DPH1: variants seen among roughly 807,000 people sequenced by gnomAD.
DPH1 encodes diphthamide biosynthesis 1, also known as 2-(3-amino-3-carboxypropyl)histidine synthase subunit 1.
A neutral mutation model predicts 55.3 loss-of-function variants in DPH1; 59 were observed. The ratio of observed to expected loss-of-function variants is 1.07; its 90% CI spans 0.87 to 1.33. DPH1 has a LOEUF of 1.33. DPH1 is among the 40% of genes most tolerant of loss of function. DPH1 has a pLI of 0.00. For missense variants in DPH1, 628 were observed against 584.8 expected, an observed-to-expected ratio of 1.07 and a Z score of -0.76; for synonymous variants, 238 against 235.5, an observed-to-expected ratio of 1.01 and a Z score of -0.10.
At position 2,033,596 on chromosome 17, in the gene DPH1, C is replaced by T; in HGVS notation, c.153C>T (p.Ser51=). Residue 51 remains serine (S), a synonymous_variant, in exon 2 of 13, where the codon TCC becomes TCT. Coordinates refer to ENST00000263083, the MANE Select transcript of DPH1 (RefSeq NM_001383.6). ...AGGCAGCAATCCGGGTCCTGCCTTC[C>T]AACTACAACTTTGAGATCCCCAAGA... ...QLQAAIRVLP[S]NYNFEIPKTI... is the part of the protein sequence containing the mutation. 1 of 1,614,206 alleles carries T rather than the reference C, an allele frequency of 6.2e-7. No individual in the cohort carries two copies. The highest frequency in any genetic ancestry group is 8.5e-7 in the Non-Finnish European group (1 of 1,180,038).
intron 3 of DPH1, among the ~76,000 whole-genome samples, chr17:2,035,281 C>T (rs967188538): frequency 6.6e-6 from 1 of 152,088 alleles, no homozygotes; most frequent in East Asian, 1.9e-4. Flanking sequence ...GCAGCAGTTC[C>T]CACGGCAGTG....
At position 2,043,308 on chromosome 17, in the gene DPH1, T is replaced by C. The variant is rs552198785; in HGVS notation, c.*722T>C. On this transcript the variant is annotated 3_prime_UTR_variant, in exon 13 of 13. Transcript: ENST00000263083. ...GGGGAGCACAAGGCCTTAATGGACA[T>C]TGACTTGTGAAAACGCAAACATGAA... 42 of 617,058 alleles carry C rather than the reference T, an allele frequency of 6.8e-5. No homozygotes were observed. Among genetic ancestry groups the C allele is most frequent in the East Asian group, 4.3e-4 (15 of 34,934 alleles). 38.2% of individuals were successfully genotyped at this position (617,058 alleles called of 1,614,324 possible).
rs981393694 is a variant in DPH1 at position 2,043,320 on chromosome 17, A to T, written c.*734A>T. On this transcript the variant is annotated 3_prime_UTR_variant, in exon 13 of 13. Transcript: ENST00000263083. ...GCCTTAATGGACATTGACTTGTGAA[A>T]ACGCAAACATGAATATGGTTGGAGA... 3 of 579,826 alleles carry T rather than the reference A, an allele frequency of 5.2e-6. No individual in the cohort carries two copies. In the African/African-American group the frequency reaches 5.6e-5, roughly 11 times the overall value. 35.9% of individuals were successfully genotyped at this position (579,826 alleles called of 1,614,324 possible).
rs749437432 is a variant in DPH1, at chr17:2,041,792, C to G, written c.1252C>G (p.Pro418Ala). The change falls in exon 12 of 13, where the codon CCT (proline) becomes GCT (alanine). Residue 418 changes from proline to alanine, a missense_variant. Physicochemically the swap from Pro to Ala is conservative, Grantham distance 27. Coordinates refer to ENST00000263083, the MANE Select transcript of DPH1 (RefSeq NM_001383.6). Reference sequence around the variant, plus strand: ...GGTGCAGGAGGGGTCCGCGCGTCCCCCTTCGGCCGTGGCTTGCGAGGACTG... The same window carrying G: ...GGTGCAGGAGGGGTCCGCGCGTCCCGCTTCGGCCGTGGCTTGCGAGGACTG... ...GKVQEGSARPPSAVACEDCSC... is the reference protein window; with the variant it reads ...GKVQEGSARPASAVACEDCSC... 2 of 1,606,542 alleles carry G rather than the reference C, an allele frequency of 1.2e-6. No individual in the cohort carries two copies. Among genetic ancestry groups the G allele is most frequent in the East Asian group, 2.2e-5 (1 of 44,498 alleles).
At chr17:2,042,085 CGGGCTTCCGGCAGAGCGAGCG>C (rs1395978560) in intron 12 of DPH1, 14 of 1,565,104 alleles carry the variant, frequency 8.9e-6, no homozygotes, top group African/African-American at 4.1e-5. Context: ...CTGTGCCTGG[CGGGCTTCCGGCAGAGCGAGCG>C]GGGCTTCCGT....
chr17:2,032,782 T>A (rs904495448), intron 1 of DPH1, among the ~76,000 whole-genome samples: 2 of 152,232 alleles, frequency 1.3e-5, no homozygotes, highest in South Asian at 4.1e-4. Context: ...CTCGCTCTGT[T>A]GCCCAGGCTG....
chr17:2,041,312 C>A lies in DPH1; in HGVS notation c.1086+131C>A, dbSNP rs1434999077. 4 of 1,450,514 alleles carry A rather than the reference C, an allele frequency of 2.8e-6. No individual in the cohort carries two copies. In the East Asian group the frequency reaches 7.4e-5, roughly 27 times the overall value. 89.9% of individuals were successfully genotyped at this position (1,450,514 alleles called of 1,614,324 possible). ...CCGGAGTCTGTCTCGATTTCTCCAG[C>A]GGAGTCACTTCCTAGCTGTGTAGCC... On this transcript the variant is annotated intron_variant, in intron 10 of 12. Coordinates refer to ENST00000263083, the MANE Select transcript of DPH1 (RefSeq NM_001383.6).
intron 3 of DPH1, among the ~76,000 whole-genome samples, 168 bp from the exon 4 acceptor site, chr17:2,035,802 G>A (rs1257019373): frequency 6.6e-6 from 1 of 152,122 alleles, no homozygotes. Flanking sequence ...GCAGGCGGCA[G>A]CTGTGCCCCT....
Position 2,041,112 on chromosome 17 carries a change from G to A in DPH1, c.1017G>A (p.Gln339=), listed in dbSNP as rs1475276604. The A allele has an allele frequency of 6.2e-7, 1 of 1,602,028 alleles. No homozygotes were observed. Among genetic ancestry groups the A allele is most frequent in the African/African-American group, 1.3e-5 (1 of 74,922 alleles). The change falls in exon 10 of 13, where the codon CAG becomes CAA. Residue 339 remains glutamine (Q), a synonymous_variant. Transcript: ENST00000263083. ...SLLPEVDVWV[Q]VACPRLSIDW... ...TGGCTTCCCTTCCCAGGTGGGTGCAGGTGGCATGTCCACGTCTCTCCATTG... is the reference window on the plus strand; with the variant it reads ...TGGCTTCCCTTCCCAGGTGGGTGCAAGTGGCATGTCCACGTCTCTCCATTG...
chr17:2,030,406 T>C (rs1597271756), intron 1 of DPH1, among the ~76,000 whole-genome samples, 176 bp downstream of exon 1: 1 of 151,898 alleles, frequency 6.6e-6, no homozygotes, highest in South Asian at 2.1e-4. Context: ...AGCCCAGGGG[T>C]ACCAGTCTTT....
intron 3 of DPH1, among the ~76,000 whole-genome samples, chr17:2,035,394 C>A (rs1597278869): frequency 6.9e-6 from 1 of 145,944 alleles, no homozygotes; most frequent in South Asian, 2.2e-4. Flanking sequence ...CACCAAGGGC[C>A]CTGCCTGCGG....
At chr17:2,040,666 C>T (rs1018546327) in intron 9 of DPH1, 61 bp downstream of exon 9, 22 of 1,549,246 alleles carry the variant, frequency 1.4e-5, no homozygotes, top group Admixed American at 6.7e-5. Context: ...TTGCCCAGCT[C>T]GTCTTGAAGG....
rs768074088 is a variant in DPH1 at position 2,041,298 on chromosome 17, C to CT, written c.1086+118dup. 1,196 of 1,468,902 alleles carry CT rather than the reference C, an allele frequency of 8.1e-4. 2 individuals are homozygous for CT. Among genetic ancestry groups the CT allele is most frequent in the Non-Finnish European group, 1.1e-3 (1,151 of 1,077,990 alleles). 91.0% of individuals were successfully genotyped at this position (1,468,902 alleles called of 1,614,324 possible). A position where few individuals can be genotyped will look rare whatever the true frequency, so the allele number is the denominator to read the frequency against. ...TATGTTCGTAGATTCCGGAGTCTGT[C>CT]TCGATTTCTCCAGCGGAGTCACTTC... On this transcript the variant is annotated intron_variant, in intron 10 of 12. Transcript: ENST00000263083.
chr17:2,033,762 C>T lies in DPH1; in HGVS notation c.215-17C>T. ...CTTCCTAGCCCTCCACCTCTCATGT[C>T]TCTGCTCGTCTTGCAGTGGCCTTGC... On this transcript the variant is annotated splice_polypyrimidine_tract_variant and intron_variant, in intron 2 of 12. Transcript: ENST00000263083. 6.2e-7 allele frequency: 1 copy of T among 1,614,244 alleles called. No homozygotes were observed.
chr17:2,036,260 G>T lies in DPH1; in HGVS notation c.400+169G>T, dbSNP rs2067422995. On this transcript the variant is annotated intron_variant, in intron 4 of 12. Transcript: ENST00000263083. The surrounding 1 kb of genome is among the most constrained non-coding windows in gnomAD (Gnocchi z 4.8). ...GCTCTGCAGGTAGATCTTTCCTTTG[G>T]ATTTGGTTGCCTTGGCAACGGTGCT... 3 of 1,322,084 alleles carry T rather than the reference G, an allele frequency of 2.3e-6. No individual in the cohort carries two copies. In the South Asian group the frequency reaches 4.5e-5, roughly 20 times the overall value. 81.9% of individuals were successfully genotyped at this position (1,322,084 alleles called of 1,614,324 possible). A position where few individuals can be genotyped will look rare whatever the true frequency, so the allele number is the denominator to read the frequency against.
rs761030981 is a variant in DPH1, at chr17:2,041,888, GCT to G, written c.*18+16_*18+17del. 22 of 1,558,702 alleles carry G rather than the reference GCT, an allele frequency of 1.4e-5. No homozygotes were observed. The highest frequency in any genetic ancestry group is 1.9e-5 in the Admixed American group (1 of 52,962). Reference sequence around the variant, plus strand: ...TCCCGGGCCTCAGGTATCAGCCCCCGCTCTGGGTGCGCCCCGCCTTTTGCCGT... The same window carrying G: ...TCCCGGGCCTCAGGTATCAGCCCCCGCTGGGTGCGCCCCGCCTTTTGCCGT... On this transcript the variant is annotated intron_variant, in intron 12 of 12. Transcript: ENST00000263083.
chr17:2,040,744 G>A (rs1035314463), intron 9 of DPH1, 139 bp downstream of exon 9: 2 of 942,086 alleles, frequency 2.1e-6, no homozygotes, highest in African/African-American at 1.6e-5. Flanking sequence ...CCCTGGGAGG[G>A]CTAACTGGGT....
In DPH1 at chr17:2,041,766, A is replaced by T; in HGVS notation, c.1228-2A>T. ...GACCCTAACCAAAGTCTGCGACCTCAGGTGCAGGAGGGGTCCGCGCGTCCC... is the reference window on the plus strand; with the variant it reads ...GACCCTAACCAAAGTCTGCGACCTCTGGTGCAGGAGGGGTCCGCGCGTCCC... On this transcript the variant is annotated splice_acceptor_variant, in intron 11 of 12. Transcript: ENST00000263083. LOFTEE classifies it high-confidence loss of function. The T allele has an allele frequency of 6.2e-7, 1 of 1,603,010 alleles. No individual in the cohort carries two copies. Among genetic ancestry groups the T allele is most frequent in the Non-Finnish European group, 8.5e-7 (1 of 1,175,402 alleles).
intron 12 of DPH1, chr17:2,042,334 T>G (rs1389877230): frequency 1.5e-6 from 2 of 1,365,406 alleles, no homozygotes; most frequent in Admixed American, 7.0e-5. Context: ...CCCGCATTCC[T>G]CCCACCCAGT....
Sources: allele counts gnomAD v4.1 joint callset (sites outside exome capture counted in the v4.1 genomes callset), GRCh38; gene constraint gnomAD v4.1.1; non-coding constraint Gnocchi (gnomAD v3.1); transcripts MANE v1.5; gene names NCBI Gene and HGNC (gene_info 2026-07-23, HGNC 2026-07-21).